The following CYP39A1 variants were observed in gnomAD, a reference collection of about 807,000 sequenced individuals.
The protein encoded by CYP39A1 is 24-hydroxycholesterol 7-alpha-hydroxylase.
In CYP39A1, 49 loss-of-function variants were observed where a neutral mutation model predicts 58.1. That is an observed-to-expected ratio of 0.84 (90% CI 0.67 to 1.07). The LOEUF is 1.07. CYP39A1 is among the 50% of genes least tolerant of loss of function. CYP39A1 has a pLI of 0.00. For synonymous variants in CYP39A1, 209 were observed against 187.6 expected (o/e 1.11, Z -0.93); for missense variants, 531 against 539.4 (o/e 0.98, Z 0.16).
intron 7 of CYP39A1, among the ~76,000 whole-genome samples, chr6:46,603,478 G>A (rs1773639768): frequency 6.6e-6 from 1 of 152,092 alleles, no homozygotes; most frequent in South Asian, 2.1e-4. Flanking sequence ...GCAAGCATTT[G>A]CCCCTTTTAT....
chr6:46,616,178 TCTTTCTTTCTTCTTTCCCTCC>T (rs1486945019), intron 7 of CYP39A1, among the ~76,000 whole-genome samples: 52 of 34,918 alleles, frequency 1.5e-3, no homozygotes, highest in South Asian at 2.0e-3. Context: ...TTTCTTTCTT[TCTTTCTTTCTTCTTTCCCTCC>T]CTCCCTCCCT....
At chr6:46,640,049 C>T (rs1384427224) in intron 2 of CYP39A1, among the ~76,000 whole-genome samples, 5 of 152,038 alleles carry the variant, frequency 3.3e-5, no homozygotes, top group South Asian at 2.1e-4. Context: ...GAGTTGGAGT[C>T]GCAGTGAGCC....
At chr6:46,627,046 A>G (rs1775353029) in intron 6 of CYP39A1, among the ~76,000 whole-genome samples, 1 of 152,180 alleles carries the variant, frequency 6.6e-6, no homozygotes. Context: ...CAGAAGGCAA[A>G]TGGGAAGCAA....
intron 1 of CYP39A1, among the ~76,000 whole-genome samples, chr6:46,647,113 T>C (rs2150608375): frequency 6.6e-6 from 1 of 152,222 alleles, no homozygotes; most frequent in South Asian, 2.1e-4. Flanking sequence ...AAGGAGATGA[T>C]TCTTGAAAGT....
intron 10 of CYP39A1, among the ~76,000 whole-genome samples, chr6:46,577,160 A>C (rs1272146084): frequency 6.6e-6 from 1 of 152,216 alleles, no homozygotes; most frequent in African/African-American, 2.4e-5. Flanking sequence ...CTAACCAAGG[A>C]CTTCATAGCC....
chr6:46,558,765 A>C (rs527827406), intron 10 of CYP39A1, among the ~76,000 whole-genome samples: 22 of 152,138 alleles, frequency 1.4e-4, no homozygotes, highest in Non-Finnish European at 2.2e-4. Context: ...TGGGAGGCCG[A>C]GGTGGGTGGA....
intron 6 of CYP39A1, among the ~76,000 whole-genome samples, chr6:46,630,596 C>T (rs1350758207): frequency 6.6e-6 from 1 of 152,130 alleles, no homozygotes; most frequent in South Asian, 2.1e-4. Context: ...CCAATAAAAG[C>T]ATGTGGCCAA....
chr6:46,610,875 T>G (rs914455577), intron 7 of CYP39A1, among the ~76,000 whole-genome samples: 1 of 152,168 alleles, frequency 6.6e-6, no homozygotes, highest in Admixed American at 6.5e-5. Flanking sequence ...TCCATATAGG[T>G]CCTGCCCCAG....
At chr6:46,564,426 C>T (rs1247079131) in intron 10 of CYP39A1, among the ~76,000 whole-genome samples, 1 of 151,976 alleles carries the variant, frequency 6.6e-6, no homozygotes, top group Non-Finnish European at 1.5e-5. Flanking sequence ...AAACTCCTAA[C>T]CTCAAGTGAT....
At chr6:46,651,242 G>A (rs891000597) in intron 1 of CYP39A1, among the ~76,000 whole-genome samples, 1 of 152,104 alleles carries the variant, frequency 6.6e-6, no homozygotes, top group Non-Finnish European at 1.5e-5. Context: ...ACACAAACAC[G>A]CAAGAATGTT....
At chr6:46,585,001 A>G (rs1290295297) in intron 10 of CYP39A1, among the ~76,000 whole-genome samples, 2 of 152,162 alleles carry the variant, frequency 1.3e-5, no homozygotes, top group Non-Finnish European at 2.9e-5. Flanking sequence ...TGGTAGCCAG[A>G]GCACTGCCTT....
intron 7 of CYP39A1, 115 bp downstream of exon 7, chr6:46,625,303 G>T: frequency 1.5e-6 from 1 of 678,608 alleles, no homozygotes; most frequent in Non-Finnish European, 2.4e-6. Flanking sequence ...AACAAATTAT[G>T]TTGAATTTTG....
intron 9 of CYP39A1, 132 bp from the exon 10 acceptor site, chr6:46,587,297 T>A: frequency 1.5e-6 from 1 of 683,944 alleles, no homozygotes; most frequent in Non-Finnish European, 2.6e-6. Context: ...GGTAATTTTT[T>A]CCACCCTGTT....
chr6:46,552,624 G>A (rs1218121028), intron 11 of CYP39A1, among the ~76,000 whole-genome samples: 1 of 152,114 alleles, frequency 6.6e-6, no homozygotes, highest in Non-Finnish European at 1.5e-5. Context: ...CTTAATTTCT[G>A]AGCTTCAGCC....
At chr6:46,622,114 A>G (rs1446836878) in intron 7 of CYP39A1, among the ~76,000 whole-genome samples, 1 of 152,136 alleles carries the variant, frequency 6.6e-6, no homozygotes, top group East Asian at 1.9e-4. Flanking sequence ...TGGACTGTCC[A>G]CAAAAGGCAA....
rs1473496086 is a variant in CYP39A1, at chr6:46,587,134, T to G, written c.1193A>C (p.His398Pro). The change falls in exon 10 of 12, where the codon CAC (histidine) becomes CCC (proline). Residue 398 changes from histidine to proline, a missense_variant. Transcript: ENST00000275016. ...TGCCATGAAGCAGTCCAAGAAAGAG[T>G]GCTTCTCTAAATTTGCCTTTTTCCA... The part of the protein sequence containing the change: ...ERWKKANLEK[H>P]SFLDCFMAFG... 6.2e-7 allele frequency: 1 copy of G among 1,611,552 alleles called. No homozygotes were observed. The highest frequency in any genetic ancestry group is 8.5e-7 in the Non-Finnish European group (1 of 1,178,940).
At chr6:46,577,757 C>T (rs1287234662) in intron 10 of CYP39A1, among the ~76,000 whole-genome samples, 3 of 142,022 alleles carry the variant, frequency 2.1e-5, no homozygotes, top group Admixed American at 1.4e-4. Flanking sequence ...GAATCTAATG[C>T]TGAAGCACCC....
chr6:46,610,829 T>G (rs1299416841), intron 7 of CYP39A1, among the ~76,000 whole-genome samples: 1 of 152,258 alleles, frequency 6.6e-6, no homozygotes, highest in Non-Finnish European at 1.5e-5. Flanking sequence ...TTAGATTGTT[T>G]TAAAACATAC....
At chr6:46,644,110 T>C (rs987785498) in intron 1 of CYP39A1, among the ~76,000 whole-genome samples, 1 of 152,204 alleles carries the variant, frequency 6.6e-6, no homozygotes, top group African/African-American at 2.4e-5. Flanking sequence ...GATGCCCTTT[T>C]ATAGCCAGCC....
Sources: allele counts gnomAD v4.1 joint callset (sites outside exome capture counted in the v4.1 genomes callset), GRCh38; gene constraint gnomAD v4.1.1; transcripts MANE v1.5; gene names NCBI Gene and HGNC (gene_info 2026-07-23, HGNC 2026-07-21).